Variants in B4GALNT3 observed in about 807,000 individuals in gnomAD.
B4GALNT3 encodes beta-1,4-N-acetylgalactosaminyltransferase 3.
In B4GALNT3, 86 loss-of-function variants were observed where a neutral mutation model predicts 120.2. The observed-to-expected ratio is 0.72, with a 90% confidence interval of 0.60 to 0.86. B4GALNT3 has a LOEUF of 0.86. Among genes scored for constraint, B4GALNT3 ranks in the 40% least tolerant of loss-of-function variants. The pLI is 0.00. For synonymous variants in B4GALNT3, 518 were observed against 510.4 expected, an observed-to-expected ratio of 1.01 and a Z score of -0.20; for missense variants, 1,167 against 1,298.9, an observed-to-expected ratio of 0.90 and a Z score of 1.56.
At chr12:489,083 C>A (rs1375513902) in intron 1 of B4GALNT3, among the ~76,000 whole-genome samples, 1 of 146,654 alleles carries the variant, frequency 6.8e-6, no homozygotes, top group African/African-American at 2.5e-5. Flanking sequence ...CCAAATACCA[C>A]GTTCTCACTC....
Position 546,714 on chromosome 12 carries a change from G to A in B4GALNT3, c.707+1G>A, listed in dbSNP as rs779493912. 1.9e-6 allele frequency: 3 copies of A among 1,551,370 alleles called. No individual in the cohort carries two copies. Among genetic ancestry groups the A allele is most frequent in the African/African-American group, 2.7e-5 (2 of 73,160 alleles). On this transcript the variant is annotated splice_donor_variant, in intron 7 of 19. Coordinates refer to ENST00000266383, the MANE Select transcript of B4GALNT3 (RefSeq NM_173593.4). LOFTEE classifies it high-confidence loss of function. ...GGAGCCAAATTTCCAAGCCGGTGAG[G>A]TGAGTGAGGGTCAGGACAGGCGCTG... is the stretch of plus-strand genomic sequence containing the variant.
At position 556,778 on chromosome 12, in the gene B4GALNT3, C is replaced by T. The variant is rs1008619738; in HGVS notation, c.2292C>T (p.Val764=). Residue 764 remains valine, a synonymous_variant, in exon 15 of 20, where the codon GTC becomes GTT. Coordinates refer to ENST00000266383, the MANE Select transcript of B4GALNT3 (RefSeq NM_173593.4). ...ACCCACACAACCGTAGGAGACAGGT[C>T]CTGAATACCCGGGCCCAAGAGCCCA... ...VWDPHNRRRQ[V]LNTRAQEPKL... The T allele has an allele frequency of 1.2e-6, 2 of 1,613,788 alleles. No individual in the cohort carries two copies. The highest frequency in any genetic ancestry group is 1.3e-5 in the African/African-American group (1 of 74,934).
intron 14 of B4GALNT3, among the ~76,000 whole-genome samples, chr12:554,676 G>A (rs1285227152): frequency 1.3e-3 from 188 of 143,764 alleles, no homozygotes; most frequent in African/African-American, 4.0e-3. Flanking sequence ...TGTAGTCCCA[G>A]CTACTCGGGA....
intron 1 of B4GALNT3, among the ~76,000 whole-genome samples, chr12:472,682 T>C (rs758594455): frequency 9.9e-5 from 15 of 152,212 alleles, no homozygotes; most frequent in Non-Finnish European, 2.1e-4. Flanking sequence ...CATGATCCGC[T>C]GGCCTTGGCC....
In B4GALNT3 at chr12:464,893, G is replaced by A. The variant is rs571973477; in HGVS notation, c.169+4348G>A. 1.3e-4 allele frequency among the ~76,000 whole-genome samples: 20 copies of A among 152,296 alleles called. No individual in the cohort carries two copies. The South Asian group carries it at 1.5e-3, about 11-fold the overall frequency. The stretch of plus-strand genomic sequence containing the variant: ...CGAGTGGGCTGAGGGAGGCACACCC[G>A]CGGTGTGAGGCAGTGACTGCAGCTC... On this transcript the variant is annotated intron_variant, in intron 1 of 19. Coordinates refer to ENST00000266383, the MANE Select transcript of B4GALNT3 (RefSeq NM_173593.4).
intron 3 of B4GALNT3, among the ~76,000 whole-genome samples, chr12:537,144 T>A (rs1314177011): frequency 1.3e-5 from 2 of 152,226 alleles, no homozygotes; most frequent in Non-Finnish European, 2.9e-5. Context: ...TGCTCGAGGA[T>A]CCATAGAAAT....
intron 1 of B4GALNT3, among the ~76,000 whole-genome samples, chr12:476,975 A>G (rs530849540): frequency 1.9e-4 from 29 of 152,276 alleles, no homozygotes; most frequent in Non-Finnish European, 2.9e-4. Context: ...TTTTCTCAAC[A>G]TTTCTCACCA....
intron 1 of B4GALNT3, among the ~76,000 whole-genome samples, chr12:511,173 C>T (rs73590398): frequency 0.083 from 12,609 of 151,416 alleles, 1,100 homozygotes; most frequent in Admixed American, 0.25. Context: ...GAACTACAGG[C>T]GTGTGCCACC....
chr12:507,670 T>G (rs1434994067), intron 1 of B4GALNT3, among the ~76,000 whole-genome samples: 1 of 152,226 alleles, frequency 6.6e-6, no homozygotes, highest in Non-Finnish European at 1.5e-5. Context: ...GTGGAAGCAC[T>G]TTCTCACAAA....
intron 1 of B4GALNT3, among the ~76,000 whole-genome samples, chr12:514,377 T>G (rs988890259): frequency 6.6e-6 from 1 of 151,972 alleles, no homozygotes; most frequent in African/African-American, 2.4e-5. Flanking sequence ...TTTTGTATTT[T>G]TAGTAGAGGC....
At chr12:544,803 T>G in intron 4 of B4GALNT3, 79 bp from the exon 5 acceptor site, 1 of 1,426,684 alleles carries the variant, frequency 7.0e-7, no homozygotes, top group Admixed American at 1.8e-5. Flanking sequence ...AGTCCCCTCC[T>G]GGTCTTCCCG....
chr12:464,003 G>A (rs78169452), intron 1 of B4GALNT3, among the ~76,000 whole-genome samples: 3,551 of 152,304 alleles, frequency 0.023, 149 homozygotes, highest in African/African-American at 0.081. Flanking sequence ...TACTTTTGGT[G>A]TGGCATGGTG....
At chr12:481,046 A>T (rs561034813) in intron 1 of B4GALNT3, among the ~76,000 whole-genome samples, 1 of 152,266 alleles carries the variant, frequency 6.6e-6, no homozygotes, top group South Asian at 2.1e-4. Context: ...TTGGCTGCTT[A>T]TTTTGGCAGC....
intron 17 of B4GALNT3, among the ~76,000 whole-genome samples, 176 bp from the exon 18 acceptor site, chr12:558,329 CTGA>C (rs1947183928): frequency 6.6e-6 from 1 of 152,192 alleles, no homozygotes; most frequent in African/African-American, 2.4e-5. Flanking sequence ...AGAATTCACT[CTGA>C]TGGTTAAGAC....
In B4GALNT3 at chr12:562,254, G is replaced by A. The variant is rs1314175545; in HGVS notation, c.*803G>A. 6.6e-6 allele frequency: 1 copy of A among 152,410 alleles called. No individual in the cohort carries two copies. The highest frequency in any genetic ancestry group is 1.5e-5 in the Non-Finnish European group (1 of 68,158). 9.4% of individuals were successfully genotyped at this position (152,410 alleles called of 1,614,324 possible). The stretch of plus-strand genomic sequence containing the variant: ...AACAGGCAGGGTGATGAAGGCAGGG[G>A]AGAGAAGCCCTTTCCCTTACCGGCG... On this transcript the variant is annotated 3_prime_UTR_variant, in exon 20 of 20. Coordinates refer to ENST00000266383, the MANE Select transcript of B4GALNT3 (RefSeq NM_173593.4). This position sits in a 1 kb window ranked among gnomAD's most constrained non-coding sequence, Gnocchi z 5.2.
intron 11 of B4GALNT3, 86 bp downstream of exon 11, chr12:551,117 T>C (rs1460663054): frequency 1.8e-6 from 2 of 1,135,322 alleles, no homozygotes; most frequent in Admixed American, 4.1e-5. Context: ...GAGGCTGACT[T>C]TCCCATCTTC....
At chr12:511,609 G>A (rs1186095481) in intron 1 of B4GALNT3, among the ~76,000 whole-genome samples, 3 of 37,854 alleles carry the variant, frequency 7.9e-5, no homozygotes, top group Non-Finnish European at 1.8e-4. Flanking sequence ...TTCCACCTTC[G>A]ACCTTCTTCC....
intron 3 of B4GALNT3, among the ~76,000 whole-genome samples, chr12:537,122 C>T (rs2120668169): frequency 6.6e-6 from 1 of 152,324 alleles, no homozygotes; most frequent in Middle Eastern, 3.4e-3. Flanking sequence ...CTATTATACT[C>T]TATGAAACTA....
At chr12:551,578 A>G (rs1947083543) in intron 11 of B4GALNT3, among the ~76,000 whole-genome samples, 1 of 152,216 alleles carries the variant, frequency 6.6e-6, no homozygotes, top group African/African-American at 2.4e-5. Context: ...AGGCATCACC[A>G]GGTCAGAGAA....
Sources: gnomAD v4.1 joint callset for allele counts (sites outside exome capture counted in the v4.1 genomes callset) on GRCh38, gnomAD v4.1.1 for gene constraint, Gnocchi (gnomAD v3.1) non-coding constraint, MANE v1.5 for transcripts, NCBI Gene and HGNC (gene_info 2026-07-23, HGNC 2026-07-21) for gene names.